DNAI4: variants seen among roughly 807,000 people sequenced by gnomAD.
The protein encoded by DNAI4 is WD repeat domain 78.
Under a neutral mutation model 105.8 loss-of-function variants are expected in DNAI4, and 85 were observed. That is an observed-to-expected ratio of 0.80 (90% CI 0.67 to 0.96). The LOEUF is 0.96. Ranked by LOEUF, DNAI4 falls within the 40% of genes least tolerant of loss-of-function variation. DNAI4 has a pLI of 0.00. For missense variants in DNAI4, 1,014 were observed against 1,005.6 expected (o/e 1.01, Z -0.11); for synonymous variants, 352 against 331.5 (o/e 1.06, Z -0.67).
intron 2 of DNAI4, 85 bp from the exon 3 acceptor site, chr1:66,893,498 G>A (rs746816601): frequency 3.0e-5 from 30 of 1,001,442 alleles, no homozygotes; most frequent in South Asian, 1.5e-4. Context: ...AAACAAATAT[G>A]GTAGAAAAAA....
At chr1:66,833,874 C>G (rs762320880) in intron 12 of DNAI4, 117 bp downstream of exon 12, 7 of 1,401,630 alleles carry the variant, frequency 5.0e-6, no homozygotes, top group Non-Finnish European at 6.7e-6. Context: ...AAAACCATGA[C>G]CAACCCAATT....
intron 1 of DNAI4, among the ~76,000 whole-genome samples, chr1:66,923,001 C>T (rs552220725): frequency 2.0e-5 from 3 of 152,226 alleles, no homozygotes; most frequent in African/African-American, 7.2e-5. Context: ...GGATCATCAA[C>T]AATGAATCAC....
chr1:66,924,260 T>C (rs1650915659), intron 1 of DNAI4, among the ~76,000 whole-genome samples: 2 of 152,234 alleles, frequency 1.3e-5, no homozygotes, highest in African/African-American at 2.4e-5. Context: ...AACCTCCGCC[T>C]TCCGGGTTCA....
At chr1:66,886,388 C>T (rs1647201859) in intron 4 of DNAI4, among the ~76,000 whole-genome samples, 1 of 152,136 alleles carries the variant, frequency 6.6e-6, no homozygotes, top group Non-Finnish European at 1.5e-5. Flanking sequence ...TTTAGCACTC[C>T]TAATGACTTT....
chr1:66,844,078 G>C (rs1646213179), intron 8 of DNAI4, among the ~76,000 whole-genome samples: 1 of 36,014 alleles, frequency 2.8e-5, no homozygotes, highest in Non-Finnish European at 5.2e-5. Flanking sequence ...GAAACAACTG[G>C]AGATTCAAAA....
At chr1:66,870,276 T>C (rs1400275519) in intron 6 of DNAI4, among the ~76,000 whole-genome samples, 2 of 151,678 alleles carry the variant, frequency 1.3e-5, no homozygotes, top group Non-Finnish European at 2.9e-5. Flanking sequence ...ACCCCATCTC[T>C]ACTAAAAATA....
intron 2 of DNAI4, 189 bp downstream of exon 2, chr1:66,905,012 A>G (rs936234745): frequency 1.4e-5 from 6 of 438,070 alleles, no homozygotes; most frequent in Non-Finnish European, 2.4e-5. Flanking sequence ...TCTTCTTATC[A>G]ATAACTAGTT....
chr1:66,827,761 T>C (rs1191851460), intron 14 of DNAI4, 51 bp downstream of exon 14: 6 of 1,137,756 alleles, frequency 5.3e-6, no homozygotes, highest in Non-Finnish European at 7.5e-6. Context: ...AATGGTACTG[T>C]TTTTTCAGAA....
chr1:66,891,169 A>T lies in DNAI4; in HGVS notation c.628T>A (p.Leu210Met). ...LEEPSYKRER[L>M]TSFTDLQVIR... ...TTTTCATTACCTGTGAAACTAGTCAATCTTTCCCGTTTATAGGATGGTTCT... is the reference window on the plus strand; with the variant it reads ...TTTTCATTACCTGTGAAACTAGTCATTCTTTCCCGTTTATAGGATGGTTCT... Residue 210 changes from leucine (L) to methionine (M), a missense_variant, in exon 4 of 17, where the codon TTG (leucine) becomes ATG (methionine). Transcript: ENST00000371026. 1 of 1,612,276 alleles carries T rather than the reference A, an allele frequency of 6.2e-7. No individual in the cohort carries two copies. The highest frequency in any genetic ancestry group is 8.5e-7 in the Non-Finnish European group (1 of 1,178,426).
intron 13 of DNAI4, among the ~76,000 whole-genome samples, chr1:66,832,699 T>G (rs1229885754): frequency 6.6e-6 from 1 of 152,116 alleles, no homozygotes. Flanking sequence ...AAAGGATAAA[T>G]GCTTGAAGGG....
chr1:66,890,768 G>T lies in DNAI4; in HGVS notation c.643+386C>A. 1 of 267,110 alleles carries T rather than the reference G, an allele frequency of 3.7e-6. No individual in the cohort carries two copies. The highest frequency in any genetic ancestry group is 2.4e-5 in the African/African-American group (1 of 42,408). 16.5% of individuals were successfully genotyped at this position (267,110 alleles called of 1,614,324 possible). A position where few individuals can be genotyped will look rare whatever the true frequency, so the allele number is the denominator to read the frequency against. On this transcript the variant is annotated intron_variant, in intron 4 of 16. Transcript: ENST00000371026. This position sits in a 1 kb window ranked among gnomAD's most constrained non-coding sequence, Gnocchi z 4.1. ...GAAGGAAGAGGAGGAGGAGGAAGAG[G>T]AAGAAGAGGAAGAGGAGGAAGAAGA... is the stretch of plus-strand genomic sequence containing the variant.
intron 15 of DNAI4, among the ~76,000 whole-genome samples, chr1:66,823,125 T>C (rs947842388): frequency 7.1e-6 from 1 of 141,344 alleles, no homozygotes; most frequent in African/African-American, 2.6e-5. Context: ...GTTCTCATTG[T>C]TCAGTTCCCA....
At chr1:66,836,201 A>AG (rs1491376420) in intron 10 of DNAI4, among the ~76,000 whole-genome samples, 25 of 42,046 alleles carry the variant, frequency 5.9e-4, no homozygotes, top group Non-Finnish European at 1.4e-3. Context: ...AGAAAGAAAG[A>AG]AAGAAAGAGA....
Position 66,893,061 on chromosome 1 carries a change from GAGAGAA to G in DNAI4, c.530+162_530+167del, listed in dbSNP as rs1423371559. The stretch of plus-strand genomic sequence containing the variant: ...AAAGAAAGAAAGAAAGAAAGAGAGA[GAGAGAA>G]AGAAAGAAAGAAAGAAAGAAAGAAA... On this transcript the variant is annotated intron_variant, in intron 3 of 16. Coordinates refer to ENST00000371026, the MANE Select transcript of DNAI4 (RefSeq NM_024763.5). Among the ~76,000 whole-genome samples, 746 of 93,578 alleles carry G rather than the reference GAGAGAA, an allele frequency of 8.0e-3. 9 individuals are homozygous for G. The highest frequency in any genetic ancestry group is 0.012 in the Non-Finnish European group (532 of 46,032). The allele number at this position is 93,578 out of a possible 152,430, so 61.4% of individuals were successfully genotyped here.
intron 2 of DNAI4, chr1:66,904,775 C>A (rs907736611): frequency 6.3e-6 from 1 of 158,704 alleles, no homozygotes; most frequent in Non-Finnish European, 1.4e-5. Flanking sequence ...ATATTATATG[C>A]TTTTCTGTAT....
intron 16 of DNAI4, among the ~76,000 whole-genome samples, chr1:66,818,423 A>G (rs1328723832): frequency 6.6e-6 from 1 of 152,148 alleles, no homozygotes; most frequent in Non-Finnish European, 1.5e-5. Context: ...ATTTAATTAA[A>G]TTGCAAAAAC....
intron 5 of DNAI4, among the ~76,000 whole-genome samples, chr1:66,873,526 C>T (rs1404394662): frequency 2.0e-5 from 3 of 152,228 alleles, no homozygotes; most frequent in Admixed American, 6.5e-5. Flanking sequence ...GCTGGGATTA[C>T]AGGCATGAGC....
At chr1:66,816,403 T>A (rs190707216) in intron 16 of DNAI4, among the ~76,000 whole-genome samples, 1 of 152,108 alleles carries the variant, frequency 6.6e-6, no homozygotes, top group Admixed American at 6.6e-5. Context: ...AATGAAAAAA[T>A]TATAGGTCAT....
intron 6 of DNAI4, among the ~76,000 whole-genome samples, chr1:66,870,580 A>AAT (rs1646822218): frequency 6.6e-6 from 1 of 151,066 alleles, no homozygotes; most frequent in South Asian, 2.1e-4. Flanking sequence ...GTGAAAACCC[A>AAT]TCTCTATAAA....
Sources: allele counts gnomAD v4.1 joint callset (sites outside exome capture counted in the v4.1 genomes callset), GRCh38; gene constraint gnomAD v4.1.1; non-coding constraint Gnocchi (gnomAD v3.1); transcripts MANE v1.5; gene names NCBI Gene and HGNC (gene_info 2026-07-23, HGNC 2026-07-21).